The following AMMECR1 variants were observed in gnomAD, a reference collection of about 807,000 sequenced individuals.
The protein encoded by AMMECR1 is nuclear protein AMMECR1.
AMMECR1 carries 3 observed loss-of-function variants against 22.5 expected under a neutral mutation model. The ratio of observed to expected loss-of-function variants is 0.13; its 90% CI spans 0.06 to 0.35. AMMECR1 has a LOEUF of 0.35. Among genes scored for constraint, AMMECR1 ranks in the 10% least tolerant of loss-of-function variants. AMMECR1 has a pLI of 1.00. For missense variants in AMMECR1, 235 were observed against 278.7 expected (o/e 0.84, Z 1.12); for synonymous variants, 130 against 116.7 (o/e 1.11, Z -0.74).
intron 1 of AMMECR1, among the ~76,000 whole-genome samples, chrX:110,296,928 G>C (rs771239695): frequency 9.0e-6 from 1 of 110,729 alleles, no homozygotes; most frequent in South Asian, 3.8e-4. Context: ...TTTACTGTTG[G>C]TTTTAATTTT....
In AMMECR1 at chrX:110,200,992, C is replaced by T. The variant is rs764064228; in HGVS notation, c.849G>A (p.Pro283=). ...TGGTTTTCCTGAATTCATTAGTAAT[C>T]GGAGCTTTGTATCCTCCTTTCCTCA... The part of the protein sequence containing the change: ...SLLRKGGYKA[P]ITNEFRKTIK... The change falls in exon 5 of 6, where the codon CCG becomes CCA. Residue 283 remains proline, a synonymous_variant. Coordinates refer to ENST00000262844, the MANE Select transcript of AMMECR1 (RefSeq NM_015365.3). 35 of 1,207,369 alleles carry T rather than the reference C, an allele frequency of 2.9e-5. No homozygotes were observed. In the South Asian group the frequency reaches 4.6e-4, roughly 16 times the overall value.
At chrX:110,226,927 G>A (rs766188282) in intron 2 of AMMECR1, among the ~76,000 whole-genome samples, 1 of 111,573 alleles carries the variant, frequency 9.0e-6, no homozygotes, top group Admixed American at 9.5e-5. Flanking sequence ...GTGACTCAGA[G>A]CTGCTACCAT....
At chrX:110,352,984 A>G (rs2148243928) in intron 2 of AMMECR1, among the ~76,000 whole-genome samples, 1 of 112,517 alleles carries the variant, frequency 8.9e-6, no homozygotes, top group South Asian at 3.7e-4. Context: ...TTCATTATTC[A>G]CTTAGCACAA....
At position 110,194,445 on chromosome X, in the gene AMMECR1, G is replaced by GTGA. The variant is rs1323353375; in HGVS notation, c.*4072_*4074dup. ...TACTGGAAGGGGTTTCAGGTAATCT[G>GTGA]TGATGTCTTACGGTAATCAAAAAAC... On this transcript the variant is annotated 3_prime_UTR_variant, in exon 6 of 6. Coordinates refer to ENST00000262844, the MANE Select transcript of AMMECR1 (RefSeq NM_015365.3). The GTGA allele has an allele frequency of 8.9e-6, 1 of 111,892 alleles. No homozygotes were observed. The highest frequency in any genetic ancestry group is 1.9e-5 in the Non-Finnish European group (1 of 53,188). 9.2% of individuals were successfully genotyped at this position (111,892 alleles called of 1,213,427 possible). A position where few individuals can be genotyped will look rare whatever the true frequency, so the allele number is the denominator to read the frequency against.
intron 1 of AMMECR1, among the ~76,000 whole-genome samples, chrX:110,291,390 G>C (rs1355150424): frequency 1.8e-5 from 2 of 110,903 alleles, no homozygotes; most frequent in African/African-American, 6.6e-5. Context: ...AGCCGGCGTG[G>C]TGGTGCGCAC....
At chrX:110,266,834 C>T (rs2067771995) in intron 1 of AMMECR1, among the ~76,000 whole-genome samples, 1 of 110,345 alleles carries the variant, frequency 9.1e-6, no homozygotes, top group Non-Finnish European at 1.9e-5. Context: ...TGCTATCTCT[C>T]CCCTAGCCCC....
chrX:110,283,138 G>A (rs1414146257), intron 1 of AMMECR1, among the ~76,000 whole-genome samples: 1 of 112,257 alleles, frequency 8.9e-6, no homozygotes, highest in Admixed American at 9.4e-5. Context: ...CAAGGAAAAG[G>A]AAATTTTCAA....
At chrX:110,254,114 T>C (rs899148377) in intron 2 of AMMECR1, among the ~76,000 whole-genome samples, 1 of 111,160 alleles carries the variant, frequency 9.0e-6, no homozygotes, top group Non-Finnish European at 1.9e-5. Context: ...TTTCAAAACA[T>C]ACCGACCTCC....
At chrX:110,327,504 C>T (rs2068102342) in intron 2 of AMMECR1, among the ~76,000 whole-genome samples, 2 of 111,495 alleles carry the variant, frequency 1.8e-5, no homozygotes, top group African/African-American at 6.5e-5. Flanking sequence ...TTGCATGTTG[C>T]AATAACATGA....
At chrX:110,212,729 C>T (rs973878633) in intron 3 of AMMECR1, among the ~76,000 whole-genome samples, 2 of 111,531 alleles carry the variant, frequency 1.8e-5, no homozygotes, top group Admixed American at 1.9e-4. Context: ...TATAGACTGA[C>T]TTCTCAAAAA....
At chrX:110,420,399 C>T (rs1029802953) in intron 2 of AMMECR1, among the ~76,000 whole-genome samples, 6 of 111,793 alleles carry the variant, frequency 5.4e-5, no homozygotes, top group Non-Finnish European at 1.1e-4. Flanking sequence ...CTTATGGGCT[C>T]ATGTGTATTT....
At chrX:110,383,721 T>C (rs928511421) in intron 2 of AMMECR1, among the ~76,000 whole-genome samples, 1 of 112,135 alleles carries the variant, frequency 8.9e-6, no homozygotes, top group Non-Finnish European at 1.9e-5. Flanking sequence ...AACTATTGCC[T>C]CTTCTGGGAA....
chrX:110,312,962 C>G (rs2068030702), intron 1 of AMMECR1, among the ~76,000 whole-genome samples: 1 of 112,448 alleles, frequency 8.9e-6, no homozygotes. Flanking sequence ...CATCTTCTGG[C>G]TATTCTGGTC....
intron 1 of AMMECR1, among the ~76,000 whole-genome samples, chrX:110,305,876 G>C (rs760315507): frequency 9.0e-6 from 1 of 110,749 alleles, no homozygotes; most frequent in East Asian, 2.8e-4. Context: ...ACAGCAACTC[G>C]GGAGGTTGAG....
chrX:110,230,933 T>C (rs1362265142), intron 2 of AMMECR1, among the ~76,000 whole-genome samples: 1 of 111,908 alleles, frequency 8.9e-6, no homozygotes, highest in Admixed American at 9.5e-5. Flanking sequence ...AGGGTATCAG[T>C]GATTGAAGAT....
intron 2 of AMMECR1, among the ~76,000 whole-genome samples, chrX:110,413,056 GT>G (rs1328440880): frequency 2.7e-5 from 3 of 111,704 alleles, no homozygotes; most frequent in Non-Finnish European, 5.7e-5. Flanking sequence ...CAGCCCAAAC[GT>G]TAAGCCTCCC....
chrX:110,391,576 C>G (rs1404211705), intron 2 of AMMECR1, among the ~76,000 whole-genome samples: 2 of 112,106 alleles, frequency 1.8e-5, no homozygotes, highest in Non-Finnish European at 3.8e-5. Context: ...GACTCTATGG[C>G]AGTGGCAGAA....
intron 1 of AMMECR1, among the ~76,000 whole-genome samples, chrX:110,431,713 G>A (rs891167873): frequency 1.8e-5 from 2 of 111,733 alleles, no homozygotes; most frequent in African/African-American, 6.5e-5. Flanking sequence ...CTGCTGGGGC[G>A]CATACAGCAG....
chrX:110,255,537 A>T (rs1208210606), intron 2 of AMMECR1, among the ~76,000 whole-genome samples: 1 of 112,057 alleles, frequency 8.9e-6, no homozygotes. Context: ...TGCCATCCTC[A>T]GTGAAGTGAC....
Sources: gnomAD v4.1 joint callset for allele counts (sites outside exome capture counted in the v4.1 genomes callset) on GRCh38, gnomAD v4.1.1 for gene constraint, MANE v1.5 for transcripts, NCBI Gene and HGNC (gene_info 2026-07-23, HGNC 2026-07-21) for gene names.